The following ADAM28 variants were observed in gnomAD, a reference collection of about 807,000 sequenced individuals.
ADAM28 encodes the protein ADAM metallopeptidase domain 28.
In ADAM28, 105 loss-of-function variants were observed where a neutral mutation model predicts 101.2. The observed-to-expected ratio is 1.04, with a 90% confidence interval of 0.89 to 1.22. The LOEUF is 1.22. ADAM28 is among the 50% of genes most tolerant of loss of function. The pLI is 0.00. For missense variants in ADAM28, 1,028 were observed against 945.4 expected (o/e 1.09, Z -1.15); for synonymous variants, 322 against 310.6 (o/e 1.04, Z -0.39).
intron 2 of ADAM28, among the ~76,000 whole-genome samples, chr8:24,306,220 G>A (rs1474527156): frequency 2.6e-5 from 4 of 151,362 alleles, no homozygotes. Flanking sequence ...GTGCGCACCT[G>A]TAACACCAGC....
At chr8:24,323,791 A>G (rs745936978) in intron 8 of ADAM28, 43 bp from the exon 9 acceptor site, 2 of 1,540,540 alleles carry the variant, frequency 1.3e-6, no homozygotes, top group African/African-American at 2.8e-5. Context: ...AAATGATATC[A>G]CCATTATAAT....
intron 10 of ADAM28, among the ~76,000 whole-genome samples, chr8:24,327,334 G>A (rs1263512654): frequency 6.6e-6 from 1 of 151,974 alleles, no homozygotes; most frequent in Non-Finnish European, 1.5e-5. Context: ...ATTTACAAGG[G>A]ATATGAAGGA....
intron 15 of ADAM28, chr8:24,340,776 A>G (rs185585732): frequency 8.5e-5 from 13 of 152,250 alleles, no homozygotes; most frequent in African/African-American, 3.1e-4. Context: ...CCACTCCTCA[A>G]ACATATTTTC....
intron 5 of ADAM28, among the ~76,000 whole-genome samples, chr8:24,312,377 G>T (rs1192826524): frequency 6.6e-6 from 1 of 151,852 alleles, no homozygotes; most frequent in Non-Finnish European, 1.5e-5. Flanking sequence ...AGGTCTGCTT[G>T]CCCCTCAGCC....
In ADAM28 at chr8:24,307,634, A is replaced by G. The variant is rs557521602; in HGVS notation, c.151-2260A>G. Reference sequence around the variant, plus strand: ...ATGGACAAATGAATAAATGTTTATGACTGGAGCATATTACCCATAAACCTC... The same window carrying G: ...ATGGACAAATGAATAAATGTTTATGGCTGGAGCATATTACCCATAAACCTC... On this transcript the variant is annotated intron_variant, in intron 2 of 22. Transcript: ENST00000265769. 3.9e-5 allele frequency among the ~76,000 whole-genome samples: 6 copies of G among 152,334 alleles called. No individual in the cohort carries two copies. In the South Asian group the frequency reaches 1.2e-3, roughly 32 times the overall value.
In ADAM28 at chr8:24,310,250, G is replaced by A; in HGVS notation, c.306+9G>A. ...CAAGCCCACAAATTATGGTATAACG[G>A]AGTCTCTTCAATTCTTTAATTAGGG... On this transcript the variant is annotated intron_variant, in intron 4 of 22. Coordinates refer to ENST00000265769, the MANE Select transcript of ADAM28 (RefSeq NM_014265.6). The A allele has an allele frequency of 1.2e-6, 2 of 1,610,206 alleles. No homozygotes were observed. Among genetic ancestry groups the A allele is most frequent in the Non-Finnish European group, 1.7e-6 (2 of 1,176,890 alleles).
intron 8 of ADAM28, among the ~76,000 whole-genome samples, chr8:24,323,005 AT>A (rs1379504587): frequency 1.3e-5 from 2 of 151,956 alleles, no homozygotes; most frequent in Non-Finnish European, 2.9e-5. Context: ...TTAGAGGACC[AT>A]TGTCTCATTC....
At chr8:24,340,873 T>C (rs1483581629) in intron 15 of ADAM28, 1 of 152,230 alleles carries the variant, frequency 6.6e-6, no homozygotes, top group African/African-American at 2.4e-5. Context: ...CATAAAGCAA[T>C]TGACTTCCAT....
chr8:24,314,216 A>C (rs1293144883), intron 6 of ADAM28, among the ~76,000 whole-genome samples: 1 of 152,188 alleles, frequency 6.6e-6, no homozygotes, highest in African/African-American at 2.4e-5. Context: ...TTTTAGCCAA[A>C]AAGCTATGAA....
In ADAM28 at chr8:24,313,644, A is replaced by C. The variant is rs1810770484; in HGVS notation, c.576+64A>C. 3 of 1,516,774 alleles carry C rather than the reference A, an allele frequency of 2.0e-6. No homozygotes were observed. The Admixed American group carries it at 5.7e-5, about 29-fold the overall frequency. 94.0% of individuals were successfully genotyped at this position (1,516,774 alleles called of 1,614,324 possible). A position where few individuals can be genotyped will look rare whatever the true frequency, so the allele number is the denominator to read the frequency against. On this transcript the variant is annotated intron_variant, in intron 6 of 22. Transcript: ENST00000265769. ...TTCTGCCCTGGTTTCCAGAATTAGC[A>C]GTGCAATTTACTGAAACTATAGTCA...
At chr8:24,354,315 C>A in intron 22 of ADAM28, 69 bp from the exon 23 acceptor site, 2 of 1,314,612 alleles carry the variant, frequency 1.5e-6, no homozygotes, top group South Asian at 2.6e-5. Context: ...CTTCATAGTT[C>A]AGCTTCATAA....
In ADAM28 at chr8:24,311,371, A is replaced by C; in HGVS notation, c.317A>C (p.Tyr106Ser). The change falls in exon 5 of 23, where the codon TAT (tyrosine) becomes TCT (serine). Residue 106 changes from tyrosine (Y) to serine (S), a missense_variant. Coordinates refer to ENST00000265769, the MANE Select transcript of ADAM28 (RefSeq NM_014265.6). ...TTSPQIMDDC[Y>S]YQGHILNEKV... is the part of the protein sequence containing the mutation. ...CCCCTTTTCCTTTAGGATGATTGTT[A>C]TTATCAAGGACATATTCTTAATGAA... 1 of 1,612,412 alleles carries C rather than the reference A, an allele frequency of 6.2e-7. No individual in the cohort carries two copies. Among genetic ancestry groups the C allele is most frequent in the Non-Finnish European group, 8.5e-7 (1 of 1,179,180 alleles).
At chr8:24,351,166 C>T (rs575134811) in intron 19 of ADAM28, 66 bp from the exon 20 acceptor site, 33 of 1,289,440 alleles carry the variant, frequency 2.6e-5, no homozygotes, top group East Asian at 5.1e-5. Flanking sequence ...GAATCTTCTA[C>T]GGAGTTTCCC....
At chr8:24,325,894 A>AAAAAAC (rs1563297088) in intron 9 of ADAM28, among the ~76,000 whole-genome samples, 1 of 139,598 alleles carries the variant, frequency 7.2e-6, no homozygotes, top group East Asian at 2.3e-4. Context: ...AAAAAAAAAA[A>AAAAAAC]AAAAAACCAA....
intron 2 of ADAM28, among the ~76,000 whole-genome samples, chr8:24,302,290 A>G (rs930321136): frequency 3.9e-5 from 6 of 152,164 alleles, no homozygotes; most frequent in Non-Finnish European, 7.3e-5. Flanking sequence ...TTATGGTTGC[A>G]TAGTATTCCA....
intron 6 of ADAM28, among the ~76,000 whole-genome samples, chr8:24,315,246 T>C (rs1811011342): frequency 6.6e-6 from 1 of 151,816 alleles, no homozygotes; most frequent in Non-Finnish European, 1.5e-5. Flanking sequence ...ACATATTCCA[T>C]GCAAATGGTA....
intron 9 of ADAM28, 66 bp downstream of exon 9, chr8:24,324,069 C>A (rs1812231889): frequency 6.6e-7 from 1 of 1,506,114 alleles, no homozygotes; most frequent in South Asian, 1.3e-5. Flanking sequence ...TGAGCCTTGG[C>A]AAAGTGAGGG....
intron 14 of ADAM28, 81 bp from the exon 15 acceptor site, chr8:24,339,385 C>CGAG: frequency 8.8e-7 from 1 of 1,135,926 alleles, no homozygotes; most frequent in Non-Finnish European, 1.3e-6. Context: ...AGCACTGAAT[C>CGAG]TTTAAAATCT....
intron 14 of ADAM28, among the ~76,000 whole-genome samples, chr8:24,338,032 C>G (rs1175384693): frequency 2.6e-5 from 4 of 152,184 alleles, no homozygotes; most frequent in Non-Finnish European, 5.9e-5. Context: ...AAACAACTCC[C>G]TTCGTACACT....
Sources: gnomAD v4.1 joint callset for allele counts (sites outside exome capture counted in the v4.1 genomes callset) on GRCh38, gnomAD v4.1.1 for gene constraint, MANE v1.5 for transcripts, NCBI Gene and HGNC (gene_info 2026-07-23, HGNC 2026-07-21) for gene names.